ARHGEF38: variants seen among roughly 807,000 people sequenced by gnomAD.
ARHGEF38 encodes Rho guanine nucleotide exchange factor (GEF) 38.
ARHGEF38 carries 79 observed loss-of-function variants against 79.9 expected under a neutral mutation model. The ratio of observed to expected loss-of-function variants is 0.99; its 90% CI spans 0.82 to 1.19. The LOEUF is 1.19. ARHGEF38 is among the 50% of genes most tolerant of loss of function. ARHGEF38 has a pLI of 0.00. For missense variants in ARHGEF38, 962 were observed against 907.2 expected (o/e 1.06, Z -0.78); for synonymous variants, 366 against 328.3 (o/e 1.11, Z -1.24).
At chr4:105,641,606 T>C (rs1311155759) in intron 5 of ARHGEF38, among the ~76,000 whole-genome samples, 2 of 152,130 alleles carry the variant, frequency 1.3e-5, no homozygotes, top group South Asian at 2.1e-4. Flanking sequence ...AGGATGCTTG[T>C]GATCATGAAA....
At chr4:105,602,047 G>T (rs1727845107) in intron 2 of ARHGEF38, among the ~76,000 whole-genome samples, 1 of 152,112 alleles carries the variant, frequency 6.6e-6, no homozygotes, top group Non-Finnish European at 1.5e-5. Flanking sequence ...AAAGAAATGA[G>T]TGGATGAACA....
intron 2 of ARHGEF38, among the ~76,000 whole-genome samples, chr4:105,612,103 A>G (rs1728320506): frequency 1.3e-5 from 2 of 152,122 alleles, no homozygotes; most frequent in Non-Finnish European, 2.9e-5. Context: ...TTGGTATCCA[A>G]TATGGAGAAC....
At chr4:105,593,270 C>T (rs72669962) in intron 2 of ARHGEF38, among the ~76,000 whole-genome samples, 14,142 of 152,118 alleles carry the variant, frequency 0.093, 689 homozygotes, top group African/African-American at 0.11. Flanking sequence ...GTTGCAGTGG[C>T]TCACACCTGT....
intron 5 of ARHGEF38, among the ~76,000 whole-genome samples, chr4:105,637,451 A>T (rs113047925): frequency 6.6e-6 from 1 of 152,020 alleles, no homozygotes; most frequent in Non-Finnish European, 1.5e-5. Flanking sequence ...AAACTATCCG[A>T]CAGTATAAAC....
At chr4:105,617,449 C>A (rs1728554736) in intron 3 of ARHGEF38, among the ~76,000 whole-genome samples, 1 of 151,968 alleles carries the variant, frequency 6.6e-6, no homozygotes, top group Non-Finnish European at 1.5e-5. Flanking sequence ...AATAACACTA[C>A]CTGAAGAATA....
chr4:105,555,585 G>A (rs1478003312), intron 1 of ARHGEF38, among the ~76,000 whole-genome samples: 1 of 152,148 alleles, frequency 6.6e-6, no homozygotes, highest in Non-Finnish European at 1.5e-5. Context: ...ATAAACACCT[G>A]GACTGGTTAG....
chr4:105,611,443 ATTCTTTAGGATAAGTAATG>A, intron 2 of ARHGEF38, among the ~76,000 whole-genome samples: 1 of 152,136 alleles, frequency 6.6e-6, no homozygotes, highest in South Asian at 2.1e-4. Context: ...ACATAAGGCA[ATTCTTTAGGATAAGTAATG>A]TGCTAAATCA....
intron 1 of ARHGEF38, among the ~76,000 whole-genome samples, chr4:105,579,178 T>C (rs943383650): frequency 6.6e-6 from 1 of 152,148 alleles, no homozygotes; most frequent in Non-Finnish European, 1.5e-5. Flanking sequence ...TGGAATTATG[T>C]CATCTGCAAA....
chr4:105,598,278 C>T lies in ARHGEF38; in HGVS notation c.384+8843C>T, dbSNP rs1273786590. Among the ~76,000 whole-genome samples the T allele has an allele frequency of 2.0e-5, 3 of 152,172 alleles. No homozygotes were observed. The East Asian group carries it at 5.8e-4, about 29-fold the overall frequency. ...GAGTAAGGCAGTTCCTGAGGTCAAACTCCTCAGTCACAAGACCTCACAGAC... is the reference window on the plus strand; with the variant it reads ...GAGTAAGGCAGTTCCTGAGGTCAAATTCCTCAGTCACAAGACCTCACAGAC... On this transcript the variant is annotated intron_variant, in intron 2 of 13. Transcript: ENST00000420470.
chr4:105,564,416 A>G (rs1210081474), intron 1 of ARHGEF38, among the ~76,000 whole-genome samples: 6 of 152,186 alleles, frequency 3.9e-5, no homozygotes, highest in Non-Finnish European at 8.8e-5. Flanking sequence ...GACAAACGCT[A>G]TATGATTCTA....
chr4:105,624,794 C>T (rs1170306754), intron 3 of ARHGEF38, among the ~76,000 whole-genome samples: 17 of 152,154 alleles, frequency 1.1e-4, no homozygotes, highest in African/African-American at 2.7e-4. Flanking sequence ...AAGAAGACCG[C>T]GGGGAGCAAC....
At chr4:105,599,519 A>G (rs1471468663) in intron 2 of ARHGEF38, among the ~76,000 whole-genome samples, 3 of 151,972 alleles carry the variant, frequency 2.0e-5, no homozygotes, top group Non-Finnish European at 4.4e-5. Context: ...AATGGAGATG[A>G]TGCATAAACC....
Position 105,589,385 on chromosome 4 carries a change from G to A in ARHGEF38, c.334G>A (p.Asp112Asn). The A allele has an allele frequency of 6.2e-7, 1 of 1,613,978 alleles. No individual in the cohort carries two copies. Residue 112 changes from aspartate (D) to asparagine (N), a missense_variant, in exon 2 of 14, where the codon GAT (aspartate) becomes AAT (asparagine). By Grantham distance (23) the Asp-to-Asn change is conservative. Coordinates refer to ENST00000420470, the MANE Select transcript of ARHGEF38 (RefSeq NM_001242729.2). ...LIQTEKDYLN[D>N]LELCVREVVQ... ...ACAGACAGAAAAGGATTATCTCAAT[G>A]ATCTAGAGCTGTGTGTTAGGGAAGT...
Position 105,613,424 on chromosome 4 carries a change from A to G in ARHGEF38, c.425A>G (p.Glu142Gly). ...LDVDSLFSNI[E>G]SVHQISAKLL... ...GTGGATAGCTTGTTTAGCAACATTG[A>G]GTCCGTGCATCAGATATCAGCCAAG... Residue 142 changes from glutamate (E) to glycine (G), a missense_variant, in exon 3 of 14, where the codon GAG becomes GGG. By Grantham distance (98) the Glu-to-Gly change is moderately conservative (BLOSUM62 -2). Coordinates refer to ENST00000420470, the MANE Select transcript of ARHGEF38 (RefSeq NM_001242729.2). 6.2e-7 allele frequency: 1 copy of G among 1,613,416 alleles called. No homozygotes were observed. The highest frequency in any genetic ancestry group is 8.5e-7 in the Non-Finnish European group (1 of 1,179,514).
At chr4:105,669,570 T>C (rs1730889912) in intron 13 of ARHGEF38, among the ~76,000 whole-genome samples, 2 of 152,096 alleles carry the variant, frequency 1.3e-5, no homozygotes, top group South Asian at 2.1e-4. Flanking sequence ...ATTCATGACT[T>C]CTTTTTTTTT....
chr4:105,655,543 T>C, intron 8 of ARHGEF38, 60 bp from the exon 9 acceptor site: 1 of 1,499,968 alleles, frequency 6.7e-7, no homozygotes, highest in Admixed American at 2.1e-5. Flanking sequence ...ACATTTGGGA[T>C]ATGTTAATTA....
At chr4:105,629,801 C>A (rs1729106789) in intron 3 of ARHGEF38, among the ~76,000 whole-genome samples, 1 of 152,006 alleles carries the variant, frequency 6.6e-6, no homozygotes, top group Non-Finnish European at 1.5e-5. Flanking sequence ...CATTAAATGC[C>A]TGGATACAAT....
intron 6 of ARHGEF38, 41 bp downstream of exon 6, chr4:105,645,428 G>A: frequency 7.0e-7 from 1 of 1,435,456 alleles, no homozygotes; most frequent in Non-Finnish European, 9.2e-7. Context: ...TCCATTATTG[G>A]AGTGTTTGCT....
chr4:105,664,611 A>T (rs926903502), intron 10 of ARHGEF38, among the ~76,000 whole-genome samples: 2 of 152,198 alleles, frequency 1.3e-5, no homozygotes, highest in Non-Finnish European at 2.9e-5. Flanking sequence ...ATTAGTCATG[A>T]TTCCAGTAGG....
Sources: gnomAD v4.1 joint callset for allele counts (sites outside exome capture counted in the v4.1 genomes callset) on GRCh38, gnomAD v4.1.1 for gene constraint, MANE v1.5 for transcripts, NCBI Gene and HGNC (gene_info 2026-07-23, HGNC 2026-07-21) for gene names.